OSBPL6: variants seen among roughly 807,000 people sequenced by gnomAD.
OSBPL6 encodes the protein oxysterol-binding protein-related protein 6.
In OSBPL6, 49 loss-of-function variants were observed where a neutral mutation model predicts 125.8. The ratio of observed to expected loss-of-function variants is 0.39; its 90% CI spans 0.31 to 0.49. The LOEUF is 0.49. Ranked by LOEUF, OSBPL6 falls within the 20% of genes least tolerant of loss-of-function variation. The probability of loss-of-function intolerance (pLI) is 0.88; values close to 1 mark genes in which losing one functional copy is unlikely to be tolerated. For synonymous variants in OSBPL6, 394 were observed against 391.8 expected, an observed-to-expected ratio of 1.01 and a Z score of -0.07; for missense variants, 986 against 1,135.4, an observed-to-expected ratio of 0.87 and a Z score of 1.89.
chr2:178,377,907 T>C (rs6721855), intron 15 of OSBPL6, among the ~76,000 whole-genome samples: 81,759 of 151,990 alleles, frequency 0.54, 22,282 homozygotes, highest in East Asian at 0.69. Context: ...TGCCTCACTG[T>C]AATCTCCACC....
At chr2:178,235,758 T>C (rs962533516) in intron 1 of OSBPL6, among the ~76,000 whole-genome samples, 6 of 152,222 alleles carry the variant, frequency 3.9e-5, no homozygotes, top group Non-Finnish European at 5.9e-5. Context: ...TAAGTATCAA[T>C]ATGCCTATGG....
chr2:178,243,362 TA>T (rs142277723), intron 1 of OSBPL6, among the ~76,000 whole-genome samples: 4,134 of 152,318 alleles, frequency 0.027, 175 homozygotes, highest in African/African-American at 0.093. Flanking sequence ...AAGGCATCTT[TA>T]ACTTCTGAGT....
chr2:178,233,522 A>G (rs1244952184), intron 1 of OSBPL6, among the ~76,000 whole-genome samples: 1 of 152,202 alleles, frequency 6.6e-6, no homozygotes, highest in African/African-American at 2.4e-5. Context: ...TTATTACTTT[A>G]GTCATTGAAA....
intron 17 of OSBPL6, among the ~76,000 whole-genome samples, chr2:178,383,655 T>C (rs1410621101): frequency 1.3e-5 from 2 of 152,204 alleles, no homozygotes; most frequent in Non-Finnish European, 2.9e-5. Context: ...TTATCCCATA[T>C]GGCTGTGGGA....
chr2:178,259,396 T>G (rs958176937), intron 1 of OSBPL6, among the ~76,000 whole-genome samples: 10 of 152,120 alleles, frequency 6.6e-5, no homozygotes, highest in African/African-American at 2.4e-4. Context: ...TTAACGAGAT[T>G]ACTTAATGGT....
chr2:178,297,692 T>C (rs1157672291), intron 2 of OSBPL6, among the ~76,000 whole-genome samples: 4 of 152,208 alleles, frequency 2.6e-5, no homozygotes, highest in Non-Finnish European at 5.9e-5. Context: ...AATATATGTA[T>C]GTGTATGTAT....
At chr2:178,347,228 G>A (rs907981378) in intron 11 of OSBPL6, among the ~76,000 whole-genome samples, 4 of 151,958 alleles carry the variant, frequency 2.6e-5, no homozygotes, top group African/African-American at 9.7e-5. Context: ...TTCCTCACCC[G>A]CTAGAGGAAG....
chr2:178,231,996 G>C (rs550773544), intron 1 of OSBPL6, among the ~76,000 whole-genome samples: 48 of 152,054 alleles, frequency 3.2e-4, no homozygotes, highest in African/African-American at 1.2e-3. Context: ...ATCATCTTAG[G>C]GGTTCTTAAA....
chr2:178,385,394 G>T, intron 18 of OSBPL6, 64 bp from the exon 19 acceptor site: 2 of 1,166,946 alleles, frequency 1.7e-6, no homozygotes, highest in Admixed American at 3.7e-5. Context: ...TTCAGTAAGA[G>T]AAATGGATGA....
At chr2:178,288,074 G>C (rs1323133451) in intron 2 of OSBPL6, among the ~76,000 whole-genome samples, 1 of 152,040 alleles carries the variant, frequency 6.6e-6, no homozygotes, top group Non-Finnish European at 1.5e-5. Flanking sequence ...AGCTGCCATT[G>C]ACTCCCTTTT....
chr2:178,288,554 A>G (rs334625), intron 2 of OSBPL6, among the ~76,000 whole-genome samples: 131,993 of 152,060 alleles, frequency 0.87, 58,370 homozygotes, highest in Non-Finnish European at 0.95. Context: ...AAAAGTATGT[A>G]TAACTGTATA....
Position 178,238,575 on chromosome 2 carries a change from C to T in OSBPL6, c.-351+43901C>T, listed in dbSNP as rs150807623. On this transcript the variant is annotated intron_variant, in intron 1 of 24. Coordinates refer to ENST00000190611, the MANE Select transcript of OSBPL6 (RefSeq NM_032523.4). ...AGGTTGCTGAGAGCTGTGGTAAGAA[C>T]GAATCTTCTATCTGTAAAATTGGGA... Among the ~76,000 whole-genome samples the T allele has an allele frequency of 4.5e-3, 685 of 152,138 alleles. 6 individuals are homozygous for T. Among genetic ancestry groups the T allele is most frequent in the African/African-American group, 0.016 (666 of 41,488 alleles).
intron 1 of OSBPL6, among the ~76,000 whole-genome samples, chr2:178,210,819 A>AC (rs1553519668): frequency 1.1e-4 from 14 of 122,354 alleles, no homozygotes; most frequent in African/African-American, 1.8e-4. Context: ...TTTCAAAAAA[A>AC]AAAAACACAC....
At chr2:178,369,689 G>A (rs1194838015) in intron 13 of OSBPL6, among the ~76,000 whole-genome samples, 1 of 152,130 alleles carries the variant, frequency 6.6e-6, no homozygotes, top group Admixed American at 6.5e-5. Context: ...ATGTTATCTT[G>A]TGTTCCCATC....
rs140144048 is a variant in OSBPL6 at position 178,307,290 on chromosome 2, C to T, written c.102+1004C>T. ...GAATTCATTTTCGATAGTGCAAGTA[C>T]ACTGCTGGGGATGCTTTTTAGGAAA... On this transcript the variant is annotated intron_variant, in intron 3 of 24. Transcript: ENST00000190611. 7.9e-3 allele frequency among the ~76,000 whole-genome samples: 1,206 copies of T among 152,220 alleles called. 12 individuals are homozygous for T. Among genetic ancestry groups the T allele is most frequent in the African/African-American group, 0.027 (1,136 of 41,502 alleles).
intron 2 of OSBPL6, among the ~76,000 whole-genome samples, chr2:178,292,085 C>T (rs1685330131): frequency 6.6e-6 from 1 of 151,660 alleles, no homozygotes. Flanking sequence ...TTTCCTGATC[C>T]TCTCCCTCCT....
chr2:178,326,388 T>G (rs1391374693), intron 4 of OSBPL6, among the ~76,000 whole-genome samples: 1 of 152,180 alleles, frequency 6.6e-6, no homozygotes, highest in East Asian at 1.9e-4. Flanking sequence ...ACCAAAAATA[T>G]GTATATATCT....
chr2:178,295,908 T>G (rs1685707433), intron 2 of OSBPL6, among the ~76,000 whole-genome samples: 2 of 152,216 alleles, frequency 1.3e-5, no homozygotes, highest in South Asian at 4.1e-4. Flanking sequence ...ATATACAGGT[T>G]AAATGCTACA....
chr2:178,400,956 C>T lies in OSBPL6; in HGVS notation c.*5397C>T, dbSNP rs1559341916. 2 of 151,658 alleles carry T rather than the reference C, an allele frequency of 1.3e-5. No homozygotes were observed. The highest frequency in any genetic ancestry group is 4.8e-5 in the African/African-American group (2 of 41,330). The allele number at this position is 151,658 out of a possible 1,614,324, so 9.4% of individuals were successfully genotyped here. ...CCATTAAGTCCTAGTTCTGGTAGCC[C>T]GGTACAAATTTTAGATTTTCCCCCA... On this transcript the variant is annotated 3_prime_UTR_variant, in exon 25 of 25. Transcript: ENST00000190611.
Sources: allele counts gnomAD v4.1 joint callset (sites outside exome capture counted in the v4.1 genomes callset), GRCh38; gene constraint gnomAD v4.1.1; transcripts MANE v1.5; gene names NCBI Gene and HGNC (gene_info 2026-07-23, HGNC 2026-07-21).